The following ZNRF3 variants were observed in gnomAD, a reference collection of about 807,000 sequenced individuals.
ZNRF3 encodes zinc and ring finger 3, also known as E3 ubiquitin-protein ligase ZNRF3.
Under a neutral mutation model 72.5 loss-of-function variants are expected in ZNRF3, and 23 were observed. The ratio of observed to expected loss-of-function variants is 0.32; its 90% confidence interval spans 0.23 to 0.45. ZNRF3 has a LOEUF of 0.45. Ranked by LOEUF, ZNRF3 falls within the 20% of genes least tolerant of loss-of-function variation. ZNRF3 has a pLI of 1.00. For synonymous variants in ZNRF3, 610 were observed against 545.3 expected, an observed-to-expected ratio of 1.12 and a Z score of -1.65; for missense variants, 1,169 against 1,272.1, an observed-to-expected ratio of 0.92 and a Z score of 1.23.
intron 2 of ZNRF3, among the ~76,000 whole-genome samples, chr22:28,987,449 GGCAAGTTGCTT>G (rs750996542): frequency 1.3e-5 from 2 of 152,164 alleles, no homozygotes; most frequent in Non-Finnish European, 2.9e-5. Flanking sequence ...TGTGGCCTTG[GGCAAGTTGCTT>G]CCCCTCAAGG....
intron 1 of ZNRF3, among the ~76,000 whole-genome samples, chr22:28,933,355 A>G (rs917392911): frequency 2.0e-5 from 3 of 152,234 alleles, no homozygotes; most frequent in Admixed American, 2.0e-4. Flanking sequence ...GATTTTTTAT[A>G]AAGAGCATTC....
chr22:28,885,751 T>C (rs2033774121), intron 1 of ZNRF3, among the ~76,000 whole-genome samples: 1 of 152,236 alleles, frequency 6.6e-6, no homozygotes, highest in Non-Finnish European at 1.5e-5. Context: ...AGGAGTGTTA[T>C]GCTTTGGAGA....
At chr22:29,053,399 C>T (rs1214705700) in intron 8 of ZNRF3, among the ~76,000 whole-genome samples, 180 bp from the exon 9 acceptor site, 2 of 152,200 alleles carry the variant, frequency 1.3e-5, no homozygotes, top group African/African-American at 2.4e-5. Context: ...GAGGCTGGCT[C>T]TCCAGGAGGT....
chr22:29,010,618 C>A (rs780777740), intron 2 of ZNRF3, among the ~76,000 whole-genome samples: 2 of 152,144 alleles, frequency 1.3e-5, no homozygotes, highest in Admixed American at 1.3e-4. Context: ...CATCCTGTGG[C>A]TTGCCTTTTC....
At chr22:28,957,632 G>T (rs1393359073) in intron 1 of ZNRF3, among the ~76,000 whole-genome samples, 1 of 151,698 alleles carries the variant, frequency 6.6e-6, no homozygotes, top group East Asian at 2.0e-4. Context: ...GTAGAGACGG[G>T]GTTTCACCAT....
chr22:28,884,190 G>A (rs1477801171), intron 1 of ZNRF3, 124 bp downstream of exon 1: 7 of 755,866 alleles, frequency 9.3e-6, no homozygotes, highest in Non-Finnish European at 1.1e-5. Flanking sequence ...CCGAGAGGCC[G>A]GCGGCATCCC....
chr22:28,947,371 TAGG>T (rs2035071861), intron 1 of ZNRF3, among the ~76,000 whole-genome samples: 1 of 152,222 alleles, frequency 6.6e-6, no homozygotes, highest in South Asian at 2.1e-4. Flanking sequence ...GGTATATACT[TAGG>T]AGCGGAATTG....
chr22:28,903,957 G>A (rs537272137), intron 1 of ZNRF3, among the ~76,000 whole-genome samples: 8 of 152,216 alleles, frequency 5.3e-5, no homozygotes, highest in African/African-American at 1.9e-4. Context: ...GCAAGCCAGC[G>A]AGGTCAGTGG....
chr22:29,051,777 C>T (rs1489290605), intron 8 of ZNRF3, among the ~76,000 whole-genome samples: 6 of 150,910 alleles, frequency 4.0e-5, no homozygotes, highest in Admixed American at 4.0e-4. Flanking sequence ...GCGTAGCGGG[C>T]ACCTGTAATC....
intron 1 of ZNRF3, among the ~76,000 whole-genome samples, chr22:28,908,264 C>G (rs1601545122): frequency 6.6e-6 from 1 of 152,140 alleles, no homozygotes. Context: ...TGAAGTGAAG[C>G]TCAGCTTTCT....
At chr22:28,922,618 G>A (rs2034529811) in intron 1 of ZNRF3, among the ~76,000 whole-genome samples, 1 of 152,098 alleles carries the variant, frequency 6.6e-6, no homozygotes, top group Non-Finnish European at 1.5e-5. Context: ...CCTCCCAAAG[G>A]TGGATCCACC....
chr22:28,897,611 C>T (rs1300743016), intron 1 of ZNRF3, among the ~76,000 whole-genome samples: 2 of 152,020 alleles, frequency 1.3e-5, no homozygotes, highest in African/African-American at 2.4e-5. Context: ...TGAGCCACCG[C>T]ACCTGGCCTG....
chr22:28,959,390 G>T (rs186787068), intron 1 of ZNRF3, among the ~76,000 whole-genome samples: 26 of 152,324 alleles, frequency 1.7e-4, no homozygotes, highest in Admixed American at 3.9e-4. Context: ...TGAACCTCTG[G>T]CCTGGGAAGA....
chr22:29,024,196 C>A (rs1448514564), intron 2 of ZNRF3, among the ~76,000 whole-genome samples: 1 of 151,680 alleles, frequency 6.6e-6, no homozygotes, highest in Non-Finnish European at 1.5e-5. Context: ...TGTTATTGAC[C>A]AAAGGAAGCG....
chr22:28,928,581 C>T (rs928497646), intron 1 of ZNRF3, among the ~76,000 whole-genome samples: 1 of 151,110 alleles, frequency 6.6e-6, no homozygotes, highest in African/African-American at 2.4e-5. Flanking sequence ...GCAGCCTCCA[C>T]CTCCCGGGTT....
intron 1 of ZNRF3, among the ~76,000 whole-genome samples, chr22:28,893,968 C>A (rs1175061243): frequency 6.6e-6 from 1 of 150,984 alleles, no homozygotes; most frequent in Non-Finnish European, 1.5e-5. Flanking sequence ...CTGCTCGCAA[C>A]AGATAGTATA....
chr22:28,890,738 G>C lies in ZNRF3; in HGVS notation c.300+6672G>C, dbSNP rs569005635. 5.3e-5 allele frequency among the ~76,000 whole-genome samples: 8 copies of C among 151,800 alleles called. No homozygotes were observed. The South Asian group carries it at 1.7e-3, about 32-fold the overall frequency. On this transcript the variant is annotated intron_variant, in intron 1 of 8. Coordinates refer to ENST00000544604, the MANE Select transcript of ZNRF3 (RefSeq NM_001206998.2). ...AAATATATGCCATGTGAAAAACTTT[G>C]CTGCTTGCTTGCTTTCTCTCTCTCT... is the stretch of plus-strand genomic sequence containing the variant.
chr22:28,998,255 C>G (rs1443456916), intron 2 of ZNRF3, among the ~76,000 whole-genome samples: 1 of 151,606 alleles, frequency 6.6e-6, no homozygotes, highest in African/African-American at 2.4e-5. Flanking sequence ...GCCAAGATCG[C>G]ACCACTGCAT....
intron 1 of ZNRF3, among the ~76,000 whole-genome samples, chr22:28,979,362 T>C (rs1017723879): frequency 6.6e-6 from 1 of 152,198 alleles, no homozygotes; most frequent in African/African-American, 2.4e-5. Context: ...ACATCTTCTA[T>C]TCTCCTTCCC....
Sources: gnomAD v4.1 joint callset for allele counts (sites outside exome capture counted in the v4.1 genomes callset) on GRCh38, gnomAD v4.1.1 for gene constraint, MANE v1.5 for transcripts, NCBI Gene and HGNC (gene_info 2026-07-23, HGNC 2026-07-21) for gene names.